Variants in SP100 observed in about 807,000 individuals in gnomAD.
SP100 encodes nuclear autoantigen Sp-100.
A neutral mutation model predicts 130.0 loss-of-function variants in SP100; 84 were observed. That is an observed-to-expected ratio of 0.65 (90% CI 0.54 to 0.77). SP100 has a LOEUF of 0.77. Ranked by LOEUF, SP100 falls within the 30% of genes least tolerant of loss-of-function variation. SP100 has a pLI of 0.00. For missense variants in SP100, 978 were observed against 1,052.2 expected (o/e 0.93, Z 0.97); for synonymous variants, 331 against 351.7 (o/e 0.94, Z 0.66).
intron 17 of SP100, among the ~76,000 whole-genome samples, chr2:230,485,666 T>TC (rs1309473044): frequency 6.6e-6 from 1 of 152,216 alleles, no homozygotes; most frequent in African/African-American, 2.4e-5. Context: ...ACTGAATATA[T>TC]CTTTGCCTAT....
rs188279685 is a variant in SP100 at position 230,428,438 on chromosome 2, G to T, written c.107+10773G>T. On this transcript the variant is annotated intron_variant, in intron 2 of 28. Transcript: ENST00000340126. ...AGAGAAAGAGACTGAAGGGAGAAGT[G>T]CTACACACTTTTTTTTTTTTTTGAG... Among the ~76,000 whole-genome samples, 302 of 150,644 alleles carry T rather than the reference G, an allele frequency of 2.0e-3. 1 individual carries two copies. Among genetic ancestry groups the T allele is most frequent in the African/African-American group, 7.1e-3 (291 of 40,746 alleles).
chr2:230,479,695 C>G (rs1451611500), intron 17 of SP100, among the ~76,000 whole-genome samples: 1 of 152,234 alleles, frequency 6.6e-6, no homozygotes, highest in East Asian at 1.9e-4. Flanking sequence ...GATCCCCCAA[C>G]CAATAGTGTG....
In SP100 at chr2:230,471,272, G is replaced by A. The variant is rs189736601; in HGVS notation, c.1429+1174G>A. 2.6e-5 allele frequency among the ~76,000 whole-genome samples: 4 copies of A among 152,264 alleles called. No homozygotes were observed. The East Asian group carries it at 7.7e-4, about 29-fold the overall frequency. Reference sequence around the variant, plus strand: ...GGGCAGAAAAATGAGAAGTGAGAAGGAGAACGAAGTGTGGCCAGATAGAGT... The same window carrying A: ...GGGCAGAAAAATGAGAAGTGAGAAGAAGAACGAAGTGTGGCCAGATAGAGT... On this transcript the variant is annotated intron_variant, in intron 15 of 28. Coordinates refer to ENST00000340126, the MANE Select transcript of SP100 (RefSeq NM_001080391.2).
intron 2 of SP100, among the ~76,000 whole-genome samples, chr2:230,439,135 G>A (rs1459538854): frequency 6.6e-6 from 1 of 151,856 alleles, no homozygotes; most frequent in Non-Finnish European, 1.5e-5. Context: ...ATATTTCTTG[G>A]CCATTTGCAT....
chr2:230,524,310 C>T (rs527657002), intron 24 of SP100, among the ~76,000 whole-genome samples: 100 of 145,310 alleles, frequency 6.9e-4, no homozygotes, highest in African/African-American at 2.3e-3. Flanking sequence ...TAGCAAAGAT[C>T]GCACCATTGC....
intron 17 of SP100, among the ~76,000 whole-genome samples, chr2:230,488,907 G>A (rs775373816): frequency 6.6e-6 from 1 of 152,162 alleles, no homozygotes; most frequent in Admixed American, 6.5e-5. Flanking sequence ...TTAATGTACT[G>A]CTGGATTCAG....
intron 24 of SP100, among the ~76,000 whole-genome samples, chr2:230,521,658 T>A (rs1691176528): frequency 6.6e-6 from 1 of 152,144 alleles, no homozygotes; most frequent in African/African-American, 2.4e-5. Context: ...TGGACCTAGA[T>A]CAGGGTGTTT....
intron 24 of SP100, among the ~76,000 whole-genome samples, chr2:230,525,587 G>A (rs1691383161): frequency 6.6e-6 from 1 of 152,152 alleles, no homozygotes; most frequent in Non-Finnish European, 1.5e-5. Flanking sequence ...CCTACAGAGG[G>A]CAAGCTGAAG....
chr2:230,482,698 A>G (rs1441195531), intron 17 of SP100, among the ~76,000 whole-genome samples: 2 of 56,532 alleles, frequency 3.5e-5, no homozygotes. Context: ...TGCCATTTAC[A>G]TATATATATA....
intron 17 of SP100, among the ~76,000 whole-genome samples, chr2:230,479,261 T>G (rs2150012907): frequency 6.6e-6 from 1 of 152,372 alleles, no homozygotes; most frequent in African/African-American, 2.4e-5. Context: ...TAGTTCAGTA[T>G]TTAGGTGAAG....
chr2:230,537,120 A>G (rs1197140165), intron 24 of SP100, among the ~76,000 whole-genome samples: 3 of 152,158 alleles, frequency 2.0e-5, no homozygotes, highest in African/African-American at 7.2e-5. Flanking sequence ...TTAGTCAGGC[A>G]TGGTGGGACA....
intron 18 of SP100, among the ~76,000 whole-genome samples, chr2:230,495,787 C>A (rs941795291): frequency 1.3e-5 from 2 of 152,036 alleles, no homozygotes; most frequent in African/African-American, 2.4e-5. Context: ...TACTTTATTT[C>A]TTTATTTATT....
At chr2:230,453,284 C>T (rs1323296652) in intron 8 of SP100, among the ~76,000 whole-genome samples, 1 of 152,188 alleles carries the variant, frequency 6.6e-6, no homozygotes, top group Non-Finnish European at 1.5e-5. Context: ...ACTCAATTAC[C>T]TCCCACTAAG....
At chr2:230,421,457 A>G (rs760284898) in intron 2 of SP100, among the ~76,000 whole-genome samples, 49 of 151,580 alleles carry the variant, frequency 3.2e-4, no homozygotes, top group Admixed American at 1.9e-3. Flanking sequence ...ATTTTGGTTT[A>G]CCACATTATC....
intron 24 of SP100, among the ~76,000 whole-genome samples, chr2:230,519,044 C>A (rs1025771765): frequency 1.3e-5 from 2 of 152,086 alleles, no homozygotes; most frequent in Non-Finnish European, 2.9e-5. Context: ...TTAAATTGTG[C>A]CTTTCAAAAT....
At chr2:230,509,894 G>A (rs1690447411) in intron 23 of SP100, 1 of 152,218 alleles carries the variant, frequency 6.6e-6, no homozygotes, top group Non-Finnish European at 1.5e-5. Flanking sequence ...AAACAACTGT[G>A]GAGCCACTAC....
At chr2:230,426,060 G>A (rs1298287313) in intron 2 of SP100, among the ~76,000 whole-genome samples, 1 of 151,924 alleles carries the variant, frequency 6.6e-6, no homozygotes, top group Non-Finnish European at 1.5e-5. Flanking sequence ...GTAATCTCAC[G>A]ATTCTTTGCA....
chr2:230,441,806 C>T (rs1217945942), intron 2 of SP100, among the ~76,000 whole-genome samples: 1 of 152,118 alleles, frequency 6.6e-6, no homozygotes, highest in Admixed American at 6.5e-5. Flanking sequence ...CAGTTTTTGG[C>T]TCTGTGTCTC....
intron 24 of SP100, among the ~76,000 whole-genome samples, chr2:230,517,666 G>A (rs533937160): frequency 4.0e-5 from 6 of 151,820 alleles, no homozygotes; most frequent in Non-Finnish European, 8.8e-5. Flanking sequence ...TCAGGAGGCT[G>A]AGGCAGAAGA....
Sources: gnomAD v4.1 joint callset for allele counts (sites outside exome capture counted in the v4.1 genomes callset) on GRCh38, gnomAD v4.1.1 for gene constraint, MANE v1.5 for transcripts, NCBI Gene and HGNC (gene_info 2026-07-23, HGNC 2026-07-21) for gene names.